The following ZSCAN4 variants were observed in gnomAD, a reference collection of about 807,000 sequenced individuals.
ZSCAN4 encodes the protein zinc finger and SCAN domain-containing protein 4.
ZSCAN4 carries 18 observed loss-of-function variants against 18.3 expected under a neutral mutation model. That is an observed-to-expected ratio of 0.98 (90% CI 0.68 to 1.46). ZSCAN4 has a LOEUF of 1.46. ZSCAN4 is among the 40% of genes most tolerant of loss of function. The probability of loss-of-function intolerance (pLI) is 0.00; values close to 1 mark genes in which losing one functional copy is unlikely to be tolerated. For synonymous variants in ZSCAN4, 193 were observed against 180.3 expected (o/e 1.07, Z -0.57); for missense variants, 498 against 511.4 (o/e 0.97, Z 0.25).
chr19:57,663,471 A>G, the ZSCAN4 span, among the ~76,000 whole-genome samples: 1 of 133,982 alleles, frequency 7.5e-6, no homozygotes, highest in Non-Finnish European at 1.6e-5. Context: ...GGATCACTTG[A>G]GCCTAGGAGT....
At chr19:57,670,129 C>T (rs1983973614) in intron 1 of ZSCAN4, 116 bp from the exon 2 acceptor site, 1 of 152,396 alleles carries the variant, frequency 6.6e-6, no homozygotes, top group Non-Finnish European at 1.5e-5. Context: ...TCTTGAACTC[C>T]TGATCTCAGG....
upstream of ZSCAN4, among the ~76,000 whole-genome samples, chr19:57,666,156 T>C (rs1355838899): frequency 6.6e-6 from 1 of 152,214 alleles, no homozygotes; most frequent in Non-Finnish European, 1.5e-5. Context: ...AGCCGATGCC[T>C]GCCATGGTTC....
At chr19:57,674,006 G>A (rs994168304) in intron 2 of ZSCAN4, among the ~76,000 whole-genome samples, 13 of 152,236 alleles carry the variant, frequency 8.5e-5, no homozygotes, top group African/African-American at 2.4e-4. Flanking sequence ...TGCCCGCCTC[G>A]GCCTCCCAAA....
the ZSCAN4 span, among the ~76,000 whole-genome samples, chr19:57,659,454 A>G: frequency 6.6e-6 from 1 of 152,172 alleles, no homozygotes; most frequent in African/African-American, 2.4e-5. Context: ...TGGCATGATC[A>G]CAGCTAACAG....
chr19:57,674,794 T>C (rs1009971863), intron 2 of ZSCAN4, among the ~76,000 whole-genome samples: 2 of 152,202 alleles, frequency 1.3e-5, no homozygotes, highest in Non-Finnish European at 2.9e-5. Context: ...GAATACTCTT[T>C]GTAAACAAAA....
chr19:57,670,522 A>G (rs1053556972), exon 2 of ZSCAN4: 4 of 152,266 alleles, frequency 2.6e-5, no homozygotes, highest in African/African-American at 9.6e-5. Flanking sequence ...AGCTAGTCAC[A>G]CATCAGCTCA....
At chr19:57,652,803 T>C in the ZSCAN4 span, among the ~76,000 whole-genome samples, 8,719 of 152,250 alleles carry the variant, frequency 0.057, 424 homozygotes, top group East Asian at 0.14. Context: ...CTCTTCCAAA[T>C]TGAAAAGAGA....
exon 5 of ZSCAN4, chr19:57,678,684 A>G: frequency 6.2e-7 from 1 of 1,614,174 alleles, no homozygotes; most frequent in Non-Finnish European, 8.5e-7. Context: ...GCATCAGATA[A>G]TTCACACAGG....
the ZSCAN4 span, among the ~76,000 whole-genome samples, chr19:57,660,163 G>C: frequency 1.3e-5 from 2 of 152,174 alleles, no homozygotes; most frequent in Non-Finnish European, 2.9e-5. Flanking sequence ...GTAAGTTTCA[G>C]GTCCTTAGAT....
chr19:57,678,229 T>C (rs757053106), exon 5 of ZSCAN4: 1 of 1,614,124 alleles, frequency 6.2e-7, no homozygotes, highest in Non-Finnish European at 8.5e-7. Flanking sequence ...AATGAAAATA[T>C]TACTAATCAA....
chr19:57,675,141 CTTTTTTTT>C (rs1171741360), intron 2 of ZSCAN4, among the ~76,000 whole-genome samples: 148 of 78,076 alleles, frequency 1.9e-3, no homozygotes, highest in Admixed American at 3.3e-3. Context: ...GTGCGTGTGG[CTTTTTTTT>C]TTTTTTTTTT....
At chr19:57,670,984 C>T (rs1984003514) in intron 2 of ZSCAN4, among the ~76,000 whole-genome samples, 1 of 151,984 alleles carries the variant, frequency 6.6e-6, no homozygotes, top group Admixed American at 6.6e-5. Context: ...ACCTTAGCTT[C>T]CTGAGCAGCT....
At chr19:57,663,775 CA>C in the ZSCAN4 span, among the ~76,000 whole-genome samples, 2 of 150,160 alleles carry the variant, frequency 1.3e-5, no homozygotes, top group African/African-American at 4.9e-5. Context: ...CTCTTCATTG[CA>C]TGCTTTAAAT....
the ZSCAN4 span, among the ~76,000 whole-genome samples, chr19:57,658,804 A>C: frequency 6.7e-6 from 1 of 148,206 alleles, no homozygotes; most frequent in Non-Finnish European, 1.5e-5. Flanking sequence ...ATTGCACTCC[A>C]GCCTGGGCAG....
At chr19:57,665,704 G>C (rs1489265302), upstream of ZSCAN4, among the ~76,000 whole-genome samples, 1 of 152,234 alleles carries the variant, frequency 6.6e-6, no homozygotes, top group South Asian at 2.1e-4. Context: ...TGGATCACCA[G>C]ATCAGGAGTT....
chr19:57,672,300 C>T (rs12609579), intron 2 of ZSCAN4, among the ~76,000 whole-genome samples: 1 of 151,876 alleles, frequency 6.6e-6, no homozygotes, highest in Non-Finnish European at 1.5e-5. Context: ...AAGAATGTTT[C>T]CTAAGGAATG....
At chr19:57,657,009 G>A in the ZSCAN4 span, among the ~76,000 whole-genome samples, 19 of 151,152 alleles carry the variant, frequency 1.3e-4, no homozygotes, top group Non-Finnish European at 2.7e-4. Flanking sequence ...GCTTTGGGGG[G>A]CTGAGGAAGG....
At chr19:57,670,934 C>T (rs1984001301) in intron 2 of ZSCAN4, among the ~76,000 whole-genome samples, 1 of 151,658 alleles carries the variant, frequency 6.6e-6, no homozygotes, top group African/African-American at 2.4e-5. Flanking sequence ...AATCACAGCT[C>T]ACTGCAGCTT....
At chr19:57,653,386 C>G in the ZSCAN4 span, among the ~76,000 whole-genome samples, 1 of 89,668 alleles carries the variant, frequency 1.1e-5, no homozygotes, top group Non-Finnish European at 1.8e-5. Flanking sequence ...GACTCCATCT[C>G]AAAGAAAAAA....
Sources: gnomAD v4.1 joint callset for allele counts (sites outside exome capture counted in the v4.1 genomes callset) on GRCh38, gnomAD v4.1.1 for gene constraint, MANE v1.5 for transcripts, NCBI Gene and HGNC (gene_info 2026-07-23, HGNC 2026-07-21) for gene names.